Variants in INSL6 observed in about 807,000 individuals in gnomAD.
The protein encoded by INSL6 is insulin like 6.
INSL6 carries 16 observed loss-of-function variants against 9.4 expected under a neutral mutation model. That is an observed-to-expected ratio of 1.70 (90% CI 1.15 to 2.59). The LOEUF (loss-of-function observed/expected upper bound fraction) is 2.59. Ranked by LOEUF, INSL6 falls within the 30% of genes most tolerant of loss-of-function variation. The pLI is 0.00. For synonymous variants in INSL6, 154 were observed against 96.9 expected, an observed-to-expected ratio of 1.59 and a Z score of -3.46; for missense variants, 391 against 257.3, an observed-to-expected ratio of 1.52 and a Z score of -3.56.
the INSL6 span, chr9:5,081,573 G>T: frequency 8.7e-6 from 5 of 577,544 alleles, no homozygotes; most frequent in South Asian, 2.5e-5. Context: ...ATGATTAAAG[G>T]CTCCCATTAA....
chr9:5,041,563 C>T, the INSL6 span: 5 of 521,332 alleles, frequency 9.6e-6, no homozygotes, highest in African/African-American at 1.9e-5. Flanking sequence ...GAGATGGCTA[C>T]GTACCTGCAC....
intron 3 of INSL6, among the ~76,000 whole-genome samples, chr9:5,129,561 A>C (rs1824210429): frequency 6.6e-6 from 1 of 152,150 alleles, no homozygotes; most frequent in African/African-American, 2.4e-5. Context: ...ATATTAGAAT[A>C]AATAGTAACA....
the INSL6 span, among the ~76,000 whole-genome samples, chr9:5,005,137 A>G: frequency 2.6e-4 from 23 of 87,218 alleles, no homozygotes; most frequent in East Asian, 9.1e-3. Context: ...TTTTTTAGGT[A>G]CAGGGTCTCA....
At chr9:5,059,153 T>C in the INSL6 span, among the ~76,000 whole-genome samples, 4 of 152,302 alleles carry the variant, frequency 2.6e-5, no homozygotes, top group South Asian at 8.3e-4. Context: ...TTGTACATCT[T>C]TGTAGCCACA....
At chr9:5,139,762 C>T (rs1824457069) in intron 2 of INSL6, among the ~76,000 whole-genome samples, 1 of 152,158 alleles carries the variant, frequency 6.6e-6, no homozygotes, top group African/African-American at 2.4e-5. Flanking sequence ...GAGCCCAGCT[C>T]TTCTGATTCT....
chr9:5,078,861 T>C, the INSL6 span, among the ~76,000 whole-genome samples: 44 of 152,356 alleles, frequency 2.9e-4, 1 homozygote, highest in Non-Finnish European at 6.0e-4. Flanking sequence ...CAGCTAATTC[T>C]GACTTTTTAA....
At chr9:5,009,902 C>T in the INSL6 span, among the ~76,000 whole-genome samples, 1 of 152,042 alleles carries the variant, frequency 6.6e-6, no homozygotes, top group African/African-American at 2.4e-5. Flanking sequence ...TCCCAAGTAG[C>T]TAGTACTACA....
At chr9:5,126,264 G>C in intron 3 of INSL6, 1 of 1,110,552 alleles carries the variant, frequency 9.0e-7, no homozygotes, top group East Asian at 2.5e-5. Context: ...CCATTGACTG[G>C]AGGAAATTGA....
At chr9:5,102,895 C>T in the INSL6 span, among the ~76,000 whole-genome samples, 1 of 152,010 alleles carries the variant, frequency 6.6e-6, no homozygotes, top group Non-Finnish European at 1.5e-5. Context: ...CTGAAGGAAG[C>T]ACTAAACATG....
At chr9:5,037,634 A>G in the INSL6 span, among the ~76,000 whole-genome samples, 1 of 151,960 alleles carries the variant, frequency 6.6e-6, no homozygotes, top group Non-Finnish European at 1.5e-5. Flanking sequence ...GCATGTTCTC[A>G]CTCTTAGGTG....
chr9:4,992,154 C>T, the INSL6 span, among the ~76,000 whole-genome samples: 1 of 152,132 alleles, frequency 6.6e-6, no homozygotes, highest in South Asian at 2.1e-4. Flanking sequence ...CTGGAGGTGT[C>T]TTCACTCACA....
the INSL6 span, among the ~76,000 whole-genome samples, chr9:5,028,633 T>C: frequency 6.6e-6 from 1 of 152,358 alleles, no homozygotes; most frequent in African/African-American, 2.4e-5. Context: ...GAAAATCTAT[T>C]GTTTATCAGT....
the INSL6 span, chr9:5,069,793 T>G: frequency 6.7e-6 from 3 of 445,378 alleles, no homozygotes; most frequent in Non-Finnish European, 1.1e-5. Flanking sequence ...TAATTTTCTA[T>G]TATAAAAAAA....
In INSL6 at chr9:5,142,932, C is replaced by T. The variant is rs544249144; in HGVS notation, c.377-9340G>A. 2.0e-5 allele frequency among the ~76,000 whole-genome samples: 3 copies of T among 152,228 alleles called. No individual in the cohort carries two copies. In the East Asian group the frequency reaches 5.8e-4, roughly 29 times the overall value. On this transcript the variant is annotated intron_variant, in intron 2 of 3. Transcript: ENST00000649639. ...ATGGATGTTAAATTTTCTTGAAAGC[C>T]TTTTCTGCATCTATTGAGATAATCA... is the stretch of plus-strand genomic sequence containing the variant.
chr9:5,137,309 C>G (rs1312243228), intron 2 of INSL6, among the ~76,000 whole-genome samples: 1 of 152,128 alleles, frequency 6.6e-6, no homozygotes, highest in Non-Finnish European at 1.5e-5. Context: ...GCCTGCATAG[C>G]CAAGACAATC....
chr9:5,131,435 A>ATTTTTTTTTT (rs550915336), intron 3 of INSL6, among the ~76,000 whole-genome samples: 2,654 of 115,464 alleles, frequency 0.023, 290 homozygotes, highest in African/African-American at 0.079. Flanking sequence ...CCAGTTAACA[A>ATTTTTTTTTT]TTTTTTTTTT....
intron 1 of INSL6, among the ~76,000 whole-genome samples, chr9:5,165,503 C>T (rs897552671): frequency 3.9e-5 from 6 of 152,046 alleles, no homozygotes; most frequent in African/African-American, 1.2e-4. Flanking sequence ...ATTTTTGATT[C>T]GCATTTACCT....
At chr9:5,035,443 T>A in the INSL6 span, among the ~76,000 whole-genome samples, 5 of 152,196 alleles carry the variant, frequency 3.3e-5, no homozygotes, top group African/African-American at 1.2e-4. Flanking sequence ...AGGAGAATTT[T>A]ATACCAATAT....
downstream of INSL6, chr9:5,163,789 C>T: frequency 6.0e-6 from 4 of 666,880 alleles, no homozygotes; most frequent in South Asian, 7.5e-5. Flanking sequence ...AAGGTATGGT[C>T]AAGTGCTTGC....
Sources: gnomAD v4.1 joint callset for allele counts (sites outside exome capture counted in the v4.1 genomes callset) on GRCh38, gnomAD v4.1.1 for gene constraint, MANE v1.5 for transcripts, NCBI Gene and HGNC (gene_info 2026-07-23, HGNC 2026-07-21) for gene names.